CD276: variants seen among roughly 807,000 people sequenced by gnomAD.
CD276 encodes CD276 molecule.
A neutral mutation model predicts 50.0 loss-of-function variants in CD276; 34 were observed. The ratio of observed to expected loss-of-function variants is 0.68; its 90% CI spans 0.52 to 0.91. The LOEUF is 0.91. Ranked by LOEUF, CD276 falls within the 40% of genes least tolerant of loss-of-function variation. The pLI is 0.00. For synonymous variants in CD276, 275 were observed against 313.0 expected (o/e 0.88, Z 1.28); for missense variants, 634 against 717.5 (o/e 0.88, Z 1.33).
At chr15:73,711,503 A>T in intron 9 of CD276, 1 of 285,266 alleles carries the variant, frequency 3.5e-6, no homozygotes, top group Non-Finnish European at 6.7e-6. Context: ...TCAAGCTTTC[A>T]CTCCTAGGTC....
rs562971542 is a variant in CD276 at position 73,687,012 on chromosome 15, G to T, written c.-55+2552G>T. Among the ~76,000 whole-genome samples the T allele has an allele frequency of 6.6e-6, 1 of 152,226 alleles. No individual in the cohort carries two copies. Among genetic ancestry groups the T allele is most frequent in the East Asian group, 1.9e-4 (1 of 5,172 alleles). On this transcript the variant is annotated intron_variant, in intron 1 of 9. Coordinates refer to ENST00000318443, the MANE Select transcript of CD276 (RefSeq NM_001024736.2). The surrounding 1 kb of genome is among the most constrained non-coding windows in gnomAD (Gnocchi z 4.0). ...GTTAGGGAAGTCCACCAGCAAAAGG[G>T]GGAGGGCACACCCAGGGCCTAGGGG...
rs948659484 is a variant in CD276, at chr15:73,714,394, G to C, written c.*1438G>C. 5.9e-5 allele frequency: 9 copies of C among 152,832 alleles called. No individual in the cohort carries two copies. Among genetic ancestry groups the C allele is most frequent in the African/African-American group, 2.2e-4 (9 of 41,448 alleles). 9.5% of individuals were successfully genotyped at this position (152,832 alleles called of 1,614,324 possible). ...ACTTCAGACGTTCTGATGCCTTCCG[G>C]ATGTCATCTCTCCCTGCCCCAGGAA... On this transcript the variant is annotated 3_prime_UTR_variant, in exon 10 of 10. Transcript: ENST00000318443.
intron 7 of CD276, 89 bp downstream of exon 7, chr15:73,708,562 T>C: frequency 1.6e-5 from 22 of 1,417,176 alleles, no homozygotes; most frequent in Non-Finnish European, 2.0e-5. Flanking sequence ...GAGTGTCACT[T>C]TCTAGTGACA....
rs116074647 is a variant in CD276, at chr15:73,696,391, C to T, written c.-54-3195C>T. Among the ~76,000 whole-genome samples, 584 of 152,280 alleles carry T rather than the reference C, an allele frequency of 3.8e-3. 3 individuals are homozygous for T. Among genetic ancestry groups the T allele is most frequent in the African/African-American group, 0.014 (570 of 41,566 alleles). On this transcript the variant is annotated intron_variant, in intron 1 of 9. Transcript: ENST00000318443. ...TCTCCCATTCTCCAGGGAGCACTTC[C>T]TTTCTGAGCTCTGTCTCTTTCTCCT...
Position 73,702,854 on chromosome 15 carries a change from C to T in CD276, c.501C>T (p.Ser167=). 2 of 1,614,158 alleles carry T rather than the reference C, an allele frequency of 1.2e-6. No homozygotes were observed. The highest frequency in any genetic ancestry group is 1.7e-6 in the Non-Finnish European group (2 of 1,180,032). Residue 167 remains serine, a synonymous_variant, in exon 4 of 10, where the codon AGC becomes AGT. Coordinates refer to ENST00000318443, the MANE Select transcript of CD276 (RefSeq NM_001024736.2). ...ACACGGTGACCATCACGTGCTCCAG[C>T]TACCAGGGCTACCCTGAGGCTGAGG... ...PGDTVTITCS[S]YQGYPEAEVF...
At chr15:73,706,758 C>A (rs1900667631) in intron 6 of CD276, among the ~76,000 whole-genome samples, 1 of 152,234 alleles carries the variant, frequency 6.6e-6, no homozygotes, top group Non-Finnish European at 1.5e-5. Flanking sequence ...CTGTGCAGAG[C>A]CTCTTGGAGG....
chr15:73,699,830 C>T lies in CD276; in HGVS notation c.79+112C>T, dbSNP rs1900310025. 2.4e-6 allele frequency: 3 copies of T among 1,273,668 alleles called. No individual in the cohort carries two copies. The South Asian group carries it at 4.6e-5, about 19-fold the overall frequency. The allele number at this position is 1,273,668 out of a possible 1,614,324, so 78.9% of individuals were successfully genotyped here. On this transcript the variant is annotated intron_variant, in intron 2 of 9. Transcript: ENST00000318443. ...CCAAGCCAGCTCTGGCTAGCAGGGC[C>T]ATACCTTACTTCCACCTGTGGGATC...
At chr15:73,699,766 C>T (rs1409789146) in intron 2 of CD276, 48 bp downstream of exon 2, 15 of 1,533,326 alleles carry the variant, frequency 9.8e-6, no homozygotes, top group Non-Finnish European at 1.3e-5. Context: ...GTGATTGTGG[C>T]AGTTGGGGAG....
At chr15:73,707,706 G>A (rs887441208) in intron 6 of CD276, among the ~76,000 whole-genome samples, 1 of 152,164 alleles carries the variant, frequency 6.6e-6, no homozygotes, top group Non-Finnish European at 1.5e-5. Context: ...CTTTACAAAT[G>A]TAAAAACCAT....
At chr15:73,696,745 C>G (rs909167493) in intron 1 of CD276, among the ~76,000 whole-genome samples, 1 of 152,104 alleles carries the variant, frequency 6.6e-6, no homozygotes. Context: ...GTCTTGAGTA[C>G]CAGGCAGAGG....
intron 6 of CD276, among the ~76,000 whole-genome samples, chr15:73,707,377 ACAGCTCCTGGCCCTACC>A (rs1473916411): frequency 6.6e-6 from 1 of 152,222 alleles, no homozygotes; most frequent in Non-Finnish European, 1.5e-5. Flanking sequence ...TGTGCTCAGA[ACAGCTCCTGGCCCTACC>A]CAGCTTTGGG....
chr15:73,698,269 C>T (rs1900249892), intron 1 of CD276, among the ~76,000 whole-genome samples: 1 of 152,226 alleles, frequency 6.6e-6, no homozygotes, highest in African/African-American at 2.4e-5. Flanking sequence ...TGTTCTCTCT[C>T]TGCATTCCCA....
chr15:73,704,470 C>G lies in CD276; in HGVS notation c.1367C>G (p.Thr456Arg). Reference sequence around the variant, plus strand: ...GATGCGCACGGCTCTGTCACCATCACAGGTAAGGGCAGATGAACAGCTGGG... The same window carrying G: ...GATGCGCACGGCTCTGTCACCATCAGAGGTAAGGGCAGATGAACAGCTGGG... Reference protein sequence around the residue: ...QQDAHGSVTITGQPMTFPPEA... With the variant: ...QQDAHGSVTIRGQPMTFPPEA... The change falls in exon 6 of 10, where the codon ACA becomes AGA. Residue 456 changes from threonine to arginine, a missense_variant and splice_region_variant. Transcript: ENST00000318443. The surrounding 1 kb of genome is among the most constrained non-coding windows in gnomAD (Gnocchi z 4.1). The G allele has an allele frequency of 6.2e-7, 1 of 1,611,488 alleles. No individual in the cohort carries two copies. Among genetic ancestry groups the G allele is most frequent in the Non-Finnish European group, 8.5e-7 (1 of 1,178,556 alleles).
intron 1 of CD276, chr15:73,690,764 G>T (rs1316005699): frequency 2.2e-6 from 1 of 455,816 alleles, no homozygotes; most frequent in Non-Finnish European, 4.4e-6. Flanking sequence ...TGTATTTGCA[G>T]CAACACTGTG....
At position 73,713,879 on chromosome 15, in the gene CD276, G is replaced by C; in HGVS notation, c.*923G>C. 1 of 408,500 alleles carries C rather than the reference G, an allele frequency of 2.4e-6. No individual in the cohort carries two copies. Among genetic ancestry groups the C allele is most frequent in the South Asian group, 1.8e-5 (1 of 56,014 alleles). 25.3% of individuals were successfully genotyped at this position (408,500 alleles called of 1,614,324 possible). ...GAGCAACTACAGATGTCAGCACTGT[G>C]TTAGGTGCTGGGGGCCCTGCGTGGG... On this transcript the variant is annotated 3_prime_UTR_variant, in exon 10 of 10. Coordinates refer to ENST00000318443, the MANE Select transcript of CD276 (RefSeq NM_001024736.2).
intron 8 of CD276, among the ~76,000 whole-genome samples, chr15:73,710,304 T>C (rs1900840375): frequency 6.6e-6 from 1 of 152,224 alleles, no homozygotes; most frequent in Non-Finnish European, 1.5e-5. Context: ...TGGGCATCAG[T>C]TTCCCATCTG....
intron 1 of CD276, among the ~76,000 whole-genome samples, chr15:73,690,220 C>T (rs1567012785): frequency 6.6e-6 from 1 of 152,184 alleles, no homozygotes; most frequent in Non-Finnish European, 1.5e-5. Flanking sequence ...ATGTGCCAAG[C>T]CATTGCTAGA....
intron 1 of CD276, among the ~76,000 whole-genome samples, chr15:73,696,991 C>T (rs985320917): frequency 6.6e-6 from 1 of 151,942 alleles, no homozygotes; most frequent in Non-Finnish European, 1.5e-5. Context: ...ACCCACAGGC[C>T]TTGGTTCTGT....
intron 1 of CD276, among the ~76,000 whole-genome samples, chr15:73,692,378 G>A (rs1356214309): frequency 1.3e-5 from 2 of 152,170 alleles, no homozygotes; most frequent in Non-Finnish European, 2.9e-5. Context: ...ATATGAAAAT[G>A]TGGGATTTTA....
Sources: allele counts gnomAD v4.1 joint callset (sites outside exome capture counted in the v4.1 genomes callset), GRCh38; gene constraint gnomAD v4.1.1; non-coding constraint Gnocchi (gnomAD v3.1); transcripts MANE v1.5; gene names NCBI Gene and HGNC (gene_info 2026-07-23, HGNC 2026-07-21).